The following JMJD1C variants were observed in gnomAD, a reference collection of about 807,000 sequenced individuals.
The protein encoded by JMJD1C is jumonji domain-containing protein 1C.
Under a neutral mutation model 245.3 loss-of-function variants are expected in JMJD1C, and 31 were observed. That is an observed-to-expected ratio of 0.13 (90% confidence interval 0.09 to 0.17). The LOEUF (loss-of-function observed/expected upper bound fraction) is 0.17. JMJD1C is among the 10% of genes least tolerant of loss of function. The pLI, the probability that JMJD1C is intolerant of heterozygous loss-of-function variation, is 1.00. For synonymous variants in JMJD1C, 1,057 were observed against 1,017.4 expected, an observed-to-expected ratio of 1.04 and a Z score of -0.74; for missense variants, 2,691 against 3,000.2, an observed-to-expected ratio of 0.90 and a Z score of 2.41.
chr10:63,221,401 G>A (rs925488296), intron 3 of JMJD1C, among the ~76,000 whole-genome samples: 1 of 152,114 alleles, frequency 6.6e-6, no homozygotes, highest in Non-Finnish European at 1.5e-5. Flanking sequence ...CTTAAACATA[G>A]TGAAAGCCAA....
intron 1 of JMJD1C, among the ~76,000 whole-genome samples, chr10:63,407,457 A>C (rs998785476): frequency 6.6e-6 from 1 of 152,160 alleles, no homozygotes; most frequent in Non-Finnish European, 1.5e-5. Flanking sequence ...TAACCACTTT[A>C]AAAAAATCTA....
At chr10:63,438,500 G>A (rs1951185997) in intron 1 of JMJD1C, among the ~76,000 whole-genome samples, 1 of 152,114 alleles carries the variant, frequency 6.6e-6, no homozygotes, top group South Asian at 2.1e-4. Flanking sequence ...AAAGTAGAGG[G>A]ATCCTTTTAA....
At chr10:63,170,962 T>C (rs1220458246) in intron 24 of JMJD1C, among the ~76,000 whole-genome samples, 2 of 152,216 alleles carry the variant, frequency 1.3e-5, no homozygotes, top group Non-Finnish European at 2.9e-5. Flanking sequence ...AAATATAATT[T>C]GTATTCATAG....
intron 2 of JMJD1C, among the ~76,000 whole-genome samples, chr10:63,314,534 G>A (rs1439088138): frequency 6.9e-6 from 1 of 144,172 alleles, no homozygotes; most frequent in Non-Finnish European, 1.5e-5. Flanking sequence ...CAACCAGAGT[G>A]AGACCCTGTC....
chr10:63,250,406 T>C (rs1378375100), intron 3 of JMJD1C, among the ~76,000 whole-genome samples: 1 of 152,160 alleles, frequency 6.6e-6, no homozygotes, highest in Non-Finnish European at 1.5e-5. Flanking sequence ...TGATCAAGAC[T>C]AATAAAAACA....
intron 1 of JMJD1C, among the ~76,000 whole-genome samples, chr10:63,418,832 C>T (rs1949944722): frequency 6.6e-6 from 1 of 152,132 alleles, no homozygotes; most frequent in South Asian, 2.1e-4. Context: ...GTAATCCCAG[C>T]ATTTTGGGAG....
At chr10:63,251,019 A>C (rs913619842) in intron 3 of JMJD1C, among the ~76,000 whole-genome samples, 4 of 152,200 alleles carry the variant, frequency 2.6e-5, no homozygotes, top group Admixed American at 2.6e-4. Flanking sequence ...CTAGGATTAC[A>C]AGCATAAGCC....
At chr10:63,210,039 T>C (rs569231254) in intron 8 of JMJD1C, among the ~76,000 whole-genome samples, 1 of 152,344 alleles carries the variant, frequency 6.6e-6, no homozygotes. Flanking sequence ...GAATACGTTT[T>C]ACTTCTCAAA....
At chr10:63,454,123 A>C (rs1013968790) in intron 1 of JMJD1C, among the ~76,000 whole-genome samples, 3 of 152,044 alleles carry the variant, frequency 2.0e-5, no homozygotes, top group Non-Finnish European at 4.4e-5. Context: ...AGCTGTATCC[A>C]ATTGAATAGC....
At chr10:63,287,966 C>CAA (rs1356326584) in intron 2 of JMJD1C, among the ~76,000 whole-genome samples, 1 of 152,072 alleles carries the variant, frequency 6.6e-6, no homozygotes, top group African/African-American at 2.4e-5. Flanking sequence ...AGGCTGGCCT[C>CAA]AATCTCCTGA....
At chr10:63,281,735 C>CTGGG (rs1224701197) in intron 2 of JMJD1C, among the ~76,000 whole-genome samples, 1 of 151,970 alleles carries the variant, frequency 6.6e-6, no homozygotes, top group Non-Finnish European at 1.5e-5. Context: ...TTCCAAAGTG[C>CTGGG]TGGGATTACA....
chr10:63,279,113 GT>G (rs1043915803), intron 2 of JMJD1C, among the ~76,000 whole-genome samples: 31 of 151,830 alleles, frequency 2.0e-4, no homozygotes, highest in African/African-American at 7.0e-4. Context: ...TCTCCGGTGT[GT>G]TGGCGGGCGC....
chr10:63,447,593 A>G (rs1264616032), intron 1 of JMJD1C, among the ~76,000 whole-genome samples: 1 of 152,184 alleles, frequency 6.6e-6, no homozygotes, highest in East Asian at 1.9e-4. Flanking sequence ...AATATTCCAA[A>G]TTACTTAGAT....
intron 2 of JMJD1C, among the ~76,000 whole-genome samples, chr10:63,282,757 C>G (rs1414084357): frequency 1.3e-5 from 2 of 152,190 alleles, no homozygotes; most frequent in Admixed American, 6.5e-5. Context: ...TGCTCTATCG[C>G]CCAGGCTGGA....
chr10:63,477,397 GAT>G (rs35704232), intron 1 of JMJD1C, among the ~76,000 whole-genome samples: 149,813 of 152,064 alleles, frequency 0.99, 73,832 homozygotes, highest in Middle Eastern at 1. Flanking sequence ...CAAAAAGATA[GAT>G]ATACATAGAT....
intron 3 of JMJD1C, among the ~76,000 whole-genome samples, chr10:63,237,271 C>G (rs1235969370): frequency 6.6e-6 from 1 of 152,166 alleles, no homozygotes; most frequent in African/African-American, 2.4e-5. Context: ...CTCCTGACCT[C>G]CGGTGATCTG....
chr10:63,402,065 C>T (rs1277760926), intron 1 of JMJD1C, among the ~76,000 whole-genome samples: 1 of 150,088 alleles, frequency 6.7e-6, no homozygotes, highest in Non-Finnish European at 1.5e-5. Context: ...ACCTGGGAGG[C>T]AGAGTTTGCA....
At chr10:63,270,789 T>C (rs1050610232) in intron 2 of JMJD1C, among the ~76,000 whole-genome samples, 2 of 152,136 alleles carry the variant, frequency 1.3e-5, no homozygotes, top group African/African-American at 4.8e-5. Context: ...TCTCGTTTCA[T>C]AGTGGAGACT....
chr10:63,248,910 C>T (rs1228308397), intron 3 of JMJD1C, among the ~76,000 whole-genome samples: 1 of 152,196 alleles, frequency 6.6e-6, no homozygotes, highest in Non-Finnish European at 1.5e-5. Context: ...AGAATGAAAA[C>T]TTGTTATGTG....
Sources: gnomAD v4.1 joint callset for allele counts (sites outside exome capture counted in the v4.1 genomes callset) on GRCh38, gnomAD v4.1.1 for gene constraint, MANE v1.5 for transcripts, NCBI Gene and HGNC (gene_info 2026-07-23, HGNC 2026-07-21) for gene names.